PTPRJ: variants seen among roughly 807,000 people sequenced by gnomAD.
PTPRJ encodes the protein protein tyrosine phosphatase receptor type J, also known as receptor-type tyrosine-protein phosphatase eta.
Under a neutral mutation model 141.3 loss-of-function variants are expected in PTPRJ, and 129 were observed. The observed-to-expected ratio is 0.91, with a 90% confidence interval of 0.79 to 1.06. PTPRJ has a LOEUF of 1.06. PTPRJ is among the 50% of genes least tolerant of loss of function. PTPRJ has a pLI of 0.00. For missense variants in PTPRJ, 1,601 were observed against 1,679.7 expected, an observed-to-expected ratio of 0.95 and a Z score of 0.82; for synonymous variants, 610 against 640.5, an observed-to-expected ratio of 0.95 and a Z score of 0.72.
At chr11:48,039,042 T>C (rs1325576109) in intron 1 of PTPRJ, among the ~76,000 whole-genome samples, 14 of 149,294 alleles carry the variant, frequency 9.4e-5, no homozygotes, top group East Asian at 2.0e-4. Flanking sequence ...CCCAGCTACT[T>C]GGGAGGCTGA....
intron 1 of PTPRJ, among the ~76,000 whole-genome samples, chr11:48,033,658 G>A (rs1183906480): frequency 6.6e-6 from 1 of 152,226 alleles, no homozygotes; most frequent in Non-Finnish European, 1.5e-5. Flanking sequence ...GAGACAGGGA[G>A]CAGTGGAGAG....
chr11:48,049,669 G>A (rs994997130), intron 1 of PTPRJ, among the ~76,000 whole-genome samples: 11 of 149,716 alleles, frequency 7.3e-5, no homozygotes, highest in Non-Finnish European at 1.3e-4. Flanking sequence ...AGCCGAGATC[G>A]CGCCATTGCA....
At chr11:48,058,380 AT>A (rs542525457) in intron 1 of PTPRJ, among the ~76,000 whole-genome samples, 3 of 148,968 alleles carry the variant, frequency 2.0e-5, no homozygotes, top group South Asian at 2.1e-4. Flanking sequence ...AATTAAAACA[AT>A]TTTTTTTTTG....
At position 48,168,534 on chromosome 11, in the gene PTPRJ, GTATATATATATATATATATATA is replaced by G. The variant is rs71045551; in HGVS notation, c.*1199_*1220del. The G allele has an allele frequency of 2.9e-4, 13 of 44,076 alleles. No individual in the cohort carries two copies. The highest frequency in any genetic ancestry group is 1.6e-3 in the South Asian group (2 of 1,216). 2.7% of individuals were successfully genotyped at this position (44,076 alleles called of 1,614,324 possible). A position where few individuals can be genotyped will look rare whatever the true frequency, so the allele number is the denominator to read the frequency against. On this transcript the variant is annotated 3_prime_UTR_variant, in exon 25 of 25. Coordinates refer to ENST00000418331, the MANE Select transcript of PTPRJ (RefSeq NM_002843.4). The stretch of plus-strand genomic sequence containing the variant: ...CGTGACACATATCGGAATCTACTGT[GTATATATATATATATATATATA>G]TATATATATATATATATATATATAT...
intron 1 of PTPRJ, among the ~76,000 whole-genome samples, chr11:48,014,939 C>T (rs141621498): frequency 3.9e-4 from 60 of 152,276 alleles, no homozygotes; most frequent in African/African-American, 1.3e-3. Context: ...CTCCTGACCT[C>T]AGGTGATCTG....
chr11:48,161,766 C>A (rs907760831), intron 22 of PTPRJ, among the ~76,000 whole-genome samples: 8 of 152,112 alleles, frequency 5.3e-5, no homozygotes, highest in Non-Finnish European at 8.8e-5. Flanking sequence ...GCACCTGCCA[C>A]CATGCCCAGC....
chr11:48,055,622 A>G (rs1390408401), intron 1 of PTPRJ, among the ~76,000 whole-genome samples: 4 of 152,186 alleles, frequency 2.6e-5, no homozygotes, highest in Non-Finnish European at 5.9e-5. Flanking sequence ...AAGGCAGGCT[A>G]GCTTCCAAGG....
rs374529133 is a variant in PTPRJ, at chr11:48,043,578, A to G, written c.96+62570A>G. On this transcript the variant is annotated intron_variant, in intron 1 of 24. Transcript: ENST00000418331. The stretch of plus-strand genomic sequence containing the variant: ...CCAGAACAAGTGCCACCTGTATAAG[A>G]CAGCAGACGGTCAAAGCAGAAGAGG... Among the ~76,000 whole-genome samples, 22 of 152,294 alleles carry G rather than the reference A, an allele frequency of 1.4e-4. No homozygotes were observed. In the South Asian group the frequency reaches 4.6e-3, roughly 32 times the overall value.
intron 1 of PTPRJ, among the ~76,000 whole-genome samples, chr11:48,044,633 A>G (rs1262287527): frequency 6.6e-6 from 1 of 152,144 alleles, no homozygotes; most frequent in African/African-American, 2.4e-5. Flanking sequence ...GAAAATGGAG[A>G]CTTGTTTCAG....
At chr11:48,129,307 G>T (rs1856914812) in intron 7 of PTPRJ, among the ~76,000 whole-genome samples, 1 of 152,184 alleles carries the variant, frequency 6.6e-6, no homozygotes, top group Non-Finnish European at 1.5e-5. Flanking sequence ...CAAAGATTAA[G>T]GCAACGGCAG....
rs1283504574 is a variant in PTPRJ, at chr11:48,159,944, G to A, written c.3453G>A (p.Glu1151=). ...TTTTGTTCTAGACCAAATGTGAGGA[G>A]TATTGGCCCTCCAAGCAGGCTCAGG... ...CVEQGRTKCE[E]YWPSKQAQDY... Residue 1151 remains glutamate (E), a synonymous_variant, in exon 22 of 25, where the codon GAG becomes GAA. Transcript: ENST00000418331. The A allele has an allele frequency of 6.2e-7, 1 of 1,613,966 alleles. No homozygotes were observed. Among genetic ancestry groups the A allele is most frequent in the Non-Finnish European group, 8.5e-7 (1 of 1,179,912 alleles).
intron 1 of PTPRJ, among the ~76,000 whole-genome samples, chr11:48,003,879 G>A (rs1242235436): frequency 1.3e-5 from 2 of 152,200 alleles, no homozygotes; most frequent in Admixed American, 6.5e-5. Context: ...TTGTCCGTGT[G>A]TGAGACTCAC....
At chr11:48,004,340 T>G (rs1165280912) in intron 1 of PTPRJ, among the ~76,000 whole-genome samples, 1 of 152,222 alleles carries the variant, frequency 6.6e-6, no homozygotes, top group Non-Finnish European at 1.5e-5. Context: ...TTAGTTTCTT[T>G]ACTTGTAAAT....
At chr11:47,985,099 C>T (rs1364385556) in intron 1 of PTPRJ, among the ~76,000 whole-genome samples, 2 of 151,838 alleles carry the variant, frequency 1.3e-5, no homozygotes, top group Non-Finnish European at 2.9e-5. Flanking sequence ...GATCTGCCCA[C>T]CTCGGCCTCC....
intron 1 of PTPRJ, among the ~76,000 whole-genome samples, chr11:48,006,153 G>GTGGGT: frequency 6.6e-6 from 1 of 152,354 alleles, no homozygotes; most frequent in African/African-American, 2.4e-5. Context: ...AGTTAGGAGA[G>GTGGGT]TGGGTTGGAC....
intron 1 of PTPRJ, among the ~76,000 whole-genome samples, chr11:48,043,950 G>A (rs531450743): frequency 6.6e-6 from 1 of 152,178 alleles, no homozygotes; most frequent in Non-Finnish European, 1.5e-5. Flanking sequence ...AGGAACCTTT[G>A]ACATCCTCAG....
chr11:48,142,806 C>T lies in PTPRJ; in HGVS notation c.2444-113C>T, dbSNP rs1857265175. On this transcript the variant is annotated intron_variant, in intron 11 of 24. Coordinates refer to ENST00000418331, the MANE Select transcript of PTPRJ (RefSeq NM_002843.4). ...GATTTGCTGTTTTGCACGAGCCCAG[C>T]ATGTAGCTTCCAGAGTAAGATCTTG... 9.2e-6 allele frequency: 12 copies of T among 1,307,040 alleles called. No homozygotes were observed. The South Asian group carries it at 1.8e-4, about 20-fold the overall frequency. The allele number at this position is 1,307,040 out of a possible 1,614,324, so 81.0% of individuals were successfully genotyped here. A position where few individuals can be genotyped will look rare whatever the true frequency, so the allele number is the denominator to read the frequency against.
chr11:48,102,525 C>T (rs755366644), intron 1 of PTPRJ, among the ~76,000 whole-genome samples: 4 of 152,068 alleles, frequency 2.6e-5, no homozygotes, highest in African/African-American at 7.2e-5. Flanking sequence ...TCTCCTGCGT[C>T]AGCCTCCCGA....
Position 47,980,681 on chromosome 11 carries a change from G to A in PTPRJ, c.-232G>A. ...CCCGCGAAGCCCCTGCGCGCTCAGG[G>A]ACGCGGCCCCCCCGCGGCAGCCGCG... On this transcript the variant is annotated 5_prime_UTR_variant, in exon 1 of 25. Coordinates refer to ENST00000418331, the MANE Select transcript of PTPRJ (RefSeq NM_002843.4). The A allele has an allele frequency of 2.0e-6, 2 of 988,936 alleles. No individual in the cohort carries two copies. The highest frequency in any genetic ancestry group is 2.4e-6 in the Non-Finnish European group (2 of 833,596). 61.3% of individuals were successfully genotyped at this position (988,936 alleles called of 1,614,324 possible). A position where few individuals can be genotyped will look rare whatever the true frequency, so the allele number is the denominator to read the frequency against.
Sources: gnomAD v4.1 joint callset for allele counts (sites outside exome capture counted in the v4.1 genomes callset) on GRCh38, gnomAD v4.1.1 for gene constraint, MANE v1.5 for transcripts, NCBI Gene and HGNC (gene_info 2026-07-23, HGNC 2026-07-21) for gene names.